CADM2: variants seen among roughly 807,000 people sequenced by gnomAD.
CADM2 encodes the protein cell adhesion molecule 2, also known as immunoglobulin superfamily member 4D.
Under a neutral mutation model 49.8 loss-of-function variants are expected in CADM2, and 12 were observed. The ratio of observed to expected loss-of-function variants is 0.24; its 90% CI spans 0.15 to 0.39. CADM2 has a LOEUF of 0.39. Among genes scored for constraint, CADM2 ranks in the 10% least tolerant of loss-of-function variants. The pLI, the probability that CADM2 is intolerant of heterozygous loss-of-function variation, is 1.00. For missense variants in CADM2, 378 were observed against 492.3 expected, an observed-to-expected ratio of 0.77 and a Z score of 2.20; for synonymous variants, 214 against 175.4, an observed-to-expected ratio of 1.22 and a Z score of -1.74.
At chr3:85,790,224 T>C (rs1355622500) in intron 2 of CADM2, among the ~76,000 whole-genome samples, 1 of 152,206 alleles carries the variant, frequency 6.6e-6, no homozygotes, top group South Asian at 2.1e-4. Context: ...ACAATGATGT[T>C]ATGTTTCACC....
At chr3:85,427,547 A>G (rs1331002729) in intron 1 of CADM2, among the ~76,000 whole-genome samples, 3 of 152,114 alleles carry the variant, frequency 2.0e-5, no homozygotes, top group Non-Finnish European at 4.4e-5. Context: ...AGTTTGAGTC[A>G]TCACCTTCTG....
intron 7 of CADM2, 81 bp downstream of exon 7, chr3:85,935,938 CCA>C: frequency 1.4e-6 from 1 of 727,840 alleles, no homozygotes; most frequent in Non-Finnish European, 2.3e-6. Context: ...CTGTAGAAAT[CCA>C]CAGTTTGTGT....
At chr3:85,294,484 C>G (rs2043897699) in intron 1 of CADM2, among the ~76,000 whole-genome samples, 1 of 152,020 alleles carries the variant, frequency 6.6e-6, no homozygotes, top group African/African-American at 2.4e-5. Context: ...ATCACCAAGT[C>G]AATCCTAAGC....
chr3:86,050,800 A>G (rs953308862), intron 8 of CADM2, among the ~76,000 whole-genome samples: 10 of 152,122 alleles, frequency 6.6e-5, no homozygotes, highest in Non-Finnish European at 1.5e-4. Context: ...GAAGTGTCCC[A>G]AGGTTGCACA....
At chr3:85,356,879 A>G (rs1559797671) in intron 1 of CADM2, among the ~76,000 whole-genome samples, 2 of 152,236 alleles carry the variant, frequency 1.3e-5, no homozygotes, top group East Asian at 3.9e-4. Context: ...TGGGTATTTT[A>G]TGATAAAATC....
At chr3:85,545,798 G>GA (rs2061657184) in intron 1 of CADM2, among the ~76,000 whole-genome samples, 1 of 152,062 alleles carries the variant, frequency 6.6e-6, no homozygotes, top group Non-Finnish European at 1.5e-5. Context: ...ACCTTCTAGG[G>GA]AAAAAAGTAA....
chr3:85,463,436 T>C (rs1368118492), intron 1 of CADM2, among the ~76,000 whole-genome samples: 8 of 152,176 alleles, frequency 5.3e-5, no homozygotes, highest in Admixed American at 4.6e-4. Flanking sequence ...TTAAGTATTT[T>C]GGTGATTCTT....
At chr3:85,662,053 T>C (rs911288323) in intron 1 of CADM2, among the ~76,000 whole-genome samples, 2 of 152,056 alleles carry the variant, frequency 1.3e-5, no homozygotes, top group African/African-American at 2.4e-5. Flanking sequence ...TTTAAAAGTA[T>C]ACAAGAATAT....
At chr3:84,996,446 G>T (rs2033183359) in intron 1 of CADM2, among the ~76,000 whole-genome samples, 2 of 151,926 alleles carry the variant, frequency 1.3e-5, no homozygotes, top group South Asian at 4.2e-4. Flanking sequence ...CAACTGTCTG[G>T]ACTTGTCTTA....
chr3:85,173,305 AT>A (rs2107688771), intron 1 of CADM2, among the ~76,000 whole-genome samples: 1 of 152,328 alleles, frequency 6.6e-6, no homozygotes, highest in South Asian at 2.1e-4. Context: ...TAAGACTTCT[AT>A]AAATCAGTTT....
At chr3:85,399,493 G>GT (rs2034979955) in intron 1 of CADM2, among the ~76,000 whole-genome samples, 1 of 152,154 alleles carries the variant, frequency 6.6e-6, no homozygotes, top group African/African-American at 2.4e-5. Flanking sequence ...CTTTAAAGTA[G>GT]TTTTTTCCAA....
chr3:85,009,555 C>T (rs2033887745), intron 1 of CADM2, among the ~76,000 whole-genome samples: 1 of 152,028 alleles, frequency 6.6e-6, no homozygotes. Flanking sequence ...TTGGTAATAT[C>T]TAATTTAATT....
chr3:85,775,705 G>T (rs932709340), intron 2 of CADM2, among the ~76,000 whole-genome samples: 52 of 151,710 alleles, frequency 3.4e-4, no homozygotes, highest in African/African-American at 1.2e-3. Flanking sequence ...ATTACTAGAG[G>T]TTGATCTTCC....
At chr3:85,145,018 A>T (rs1446681261) in intron 1 of CADM2, among the ~76,000 whole-genome samples, 2 of 152,148 alleles carry the variant, frequency 1.3e-5, no homozygotes, top group Non-Finnish European at 2.9e-5. Context: ...GTTTAACTCA[A>T]AGATATGAGA....
At chr3:85,192,194 G>A (rs1373810357) in intron 1 of CADM2, among the ~76,000 whole-genome samples, 2 of 152,018 alleles carry the variant, frequency 1.3e-5, no homozygotes, top group East Asian at 3.9e-4. Context: ...GTGTAATTAG[G>A]ACACACAAAA....
intron 1 of CADM2, among the ~76,000 whole-genome samples, chr3:85,631,245 C>T (rs978313019): frequency 6.6e-6 from 1 of 152,042 alleles, no homozygotes; most frequent in Non-Finnish European, 1.5e-5. Flanking sequence ...CTCTCCAAGT[C>T]TTCTTCATCT....
intron 1 of CADM2, among the ~76,000 whole-genome samples, chr3:85,073,240 G>C (rs955906242): frequency 2.0e-5 from 3 of 152,070 alleles, no homozygotes; most frequent in Admixed American, 6.6e-5. Context: ...TTAGTGTTGT[G>C]CAGTTTAAGG....
intron 1 of CADM2, among the ~76,000 whole-genome samples, chr3:85,268,187 A>T (rs377345642): frequency 6.6e-6 from 1 of 151,636 alleles, no homozygotes. Context: ...GGTAAAGCAA[A>T]AATGGCAGAG....
At chr3:85,556,727 A>C (rs1440585536) in intron 1 of CADM2, among the ~76,000 whole-genome samples, 3 of 152,158 alleles carry the variant, frequency 2.0e-5, no homozygotes, top group Non-Finnish European at 4.4e-5. Flanking sequence ...TAAGAACAGC[A>C]GTACAGGAAA....
Sources: allele counts gnomAD v4.1 joint callset (sites outside exome capture counted in the v4.1 genomes callset), GRCh38; gene constraint gnomAD v4.1.1; transcripts MANE v1.5; gene names NCBI Gene and HGNC (gene_info 2026-07-23, HGNC 2026-07-21).